The following PTPN14 variants were observed in gnomAD, a reference collection of about 807,000 sequenced individuals.
PTPN14 encodes the protein tyrosine-protein phosphatase non-receptor type 14.
Under a neutral mutation model 126.8 loss-of-function variants are expected in PTPN14, and 53 were observed. That is an observed-to-expected ratio of 0.42 (90% CI 0.34 to 0.53). The LOEUF is 0.53. PTPN14 is among the 20% of genes least tolerant of loss of function. The pLI, the probability that PTPN14 is intolerant of heterozygous loss-of-function variation, is 0.08. For synonymous variants in PTPN14, 630 were observed against 599.3 expected, an observed-to-expected ratio of 1.05 and a Z score of -0.75; for missense variants, 1,257 against 1,552.9, an observed-to-expected ratio of 0.81 and a Z score of 3.20.
chr1:214,491,042 AAAG>A (rs1661234826), intron 1 of PTPN14, among the ~76,000 whole-genome samples: 4 of 150,696 alleles, frequency 2.7e-5, no homozygotes, highest in African/African-American at 9.8e-5. Context: ...AGGAAGAAAG[AAAG>A]AAAGAAAGAA....
At chr1:214,415,623 C>T (rs1659408633) in intron 3 of PTPN14, among the ~76,000 whole-genome samples, 1 of 152,174 alleles carries the variant, frequency 6.6e-6, no homozygotes, top group African/African-American at 2.4e-5. Flanking sequence ...GAACCAAAGC[C>T]CAACTTTCCT....
intron 1 of PTPN14, among the ~76,000 whole-genome samples, chr1:214,517,684 C>CT (rs974127785): frequency 6.6e-6 from 1 of 152,104 alleles, no homozygotes; most frequent in African/African-American, 2.4e-5. Context: ...TCCCTCTAGA[C>CT]TATACAAAGC....
At chr1:214,394,842 GA>G in intron 9 of PTPN14, 56 bp downstream of exon 9, 3 of 1,476,820 alleles carry the variant, frequency 2.0e-6, no homozygotes, top group Admixed American at 1.7e-5. Context: ...ATTAGGAGTT[GA>G]AAAGTCCAAA....
chr1:214,517,257 A>G (rs1655127468), intron 1 of PTPN14, among the ~76,000 whole-genome samples: 1 of 152,076 alleles, frequency 6.6e-6, no homozygotes, highest in South Asian at 2.1e-4. Context: ...TTCCACATAA[A>G]CAAACTTTAT....
chr1:214,371,616 G>A (rs190366001), intron 16 of PTPN14, among the ~76,000 whole-genome samples: 65 of 152,292 alleles, frequency 4.3e-4, no homozygotes, highest in Middle Eastern at 3.4e-3. Flanking sequence ...CTCGTTTACC[G>A]TGTACTCCTG....
At chr1:214,499,880 C>G (rs1369873995) in intron 1 of PTPN14, among the ~76,000 whole-genome samples, 1 of 151,934 alleles carries the variant, frequency 6.6e-6, no homozygotes, top group Non-Finnish European at 1.5e-5. Context: ...AACTCAACTT[C>G]AAAAGCCATT....
At chr1:214,524,345 G>A (rs1466204701) in intron 1 of PTPN14, among the ~76,000 whole-genome samples, 1 of 151,774 alleles carries the variant, frequency 6.6e-6, no homozygotes, top group Non-Finnish European at 1.5e-5. Flanking sequence ...CAGTATGCAC[G>A]TATCAAGGCA....
rs78939280 is a variant in PTPN14 at position 214,425,428 on chromosome 1, C to T, written c.345-10702G>A. On this transcript the variant is annotated intron_variant, in intron 3 of 18. Transcript: ENST00000366956. Reference sequence around the variant, plus strand: ...TAACTCATTCCGCCCTCTGTGTTCCCATTGATTTTGTAACTCTAACATGGT... The same window carrying T: ...TAACTCATTCCGCCCTCTGTGTTCCTATTGATTTTGTAACTCTAACATGGT... Among the ~76,000 whole-genome samples, 1,402 of 152,290 alleles carry T rather than the reference C, an allele frequency of 9.2e-3. 20 individuals are homozygous for T. The highest frequency in any genetic ancestry group is 0.03 in the African/African-American group (1,265 of 41,554).
chr1:214,384,493 C>T lies in PTPN14; in HGVS notation c.1362G>A (p.Arg454=). The stretch of plus-strand genomic sequence containing the variant: ...TCTGGCTGTCTGTATGCAGGATCCC[C>T]CTCTTCATCTGGCGCATGACTGTCT... ...DYETVMRQMK[R]GILHTDSQSQ... is the part of the protein sequence containing the mutation. Residue 454 remains arginine, a synonymous_variant, in exon 13 of 19, where the codon AGG becomes AGA. Coordinates refer to ENST00000366956, the MANE Select transcript of PTPN14 (RefSeq NM_005401.5). This position sits in a 1 kb window ranked among gnomAD's most constrained non-coding sequence, Gnocchi z 5.3. The T allele has an allele frequency of 1.9e-6, 3 of 1,614,120 alleles. No homozygotes were observed. Among genetic ancestry groups the T allele is most frequent in the Non-Finnish European group, 1.7e-6 (2 of 1,180,038 alleles).
In PTPN14 at chr1:214,384,353, C is replaced by T. The variant is rs768029636; in HGVS notation, c.1502G>A (p.Gly501Glu). The T allele has an allele frequency of 1.9e-6, 3 of 1,614,084 alleles. No individual in the cohort carries two copies. Among genetic ancestry groups the T allele is most frequent in the Admixed American group, 3.3e-5 (2 of 60,010 alleles). ...RERHPYTVPY[G>E]PQGVYSNKLV... ...TTTGTTGCTGTAGACCCCCTGTGGCCCATAAGGGACAGTGTAGGGGTGCCT... is the reference window on the plus strand; with the variant it reads ...TTTGTTGCTGTAGACCCCCTGTGGCTCATAAGGGACAGTGTAGGGGTGCCT... Residue 501 changes from glycine to glutamate, a missense_variant, in exon 13 of 19, where the codon GGG (glycine) becomes GAG (glutamate). Around this residue, in one of 3 missense-constraint regions of PTPN14, gnomAD observed 1,021 missense variants for 1,183.3 expected, o/e 0.86. Transcript: ENST00000366956. The surrounding 1 kb of genome is among the most constrained non-coding windows in gnomAD (Gnocchi z 5.3).
chr1:214,404,078 A>G (rs1659103058), intron 5 of PTPN14, among the ~76,000 whole-genome samples: 1 of 152,222 alleles, frequency 6.6e-6, no homozygotes, highest in African/African-American at 2.4e-5. Context: ...CCACTTATAT[A>G]AAGATTCATC....
At chr1:214,422,689 G>A (rs774369735) in intron 3 of PTPN14, among the ~76,000 whole-genome samples, 11 of 152,074 alleles carry the variant, frequency 7.2e-5, no homozygotes, top group Non-Finnish European at 1.5e-4. Flanking sequence ...GCTACCAGGC[G>A]GAAATACAGT....
intron 5 of PTPN14, among the ~76,000 whole-genome samples, chr1:214,405,177 C>T (rs1228675668): frequency 6.6e-6 from 1 of 152,202 alleles, no homozygotes; most frequent in Non-Finnish European, 1.5e-5. Flanking sequence ...ATCCTTACGT[C>T]CTGTCTCAGC....
At chr1:214,431,878 T>C (rs1303014309) in intron 3 of PTPN14, among the ~76,000 whole-genome samples, 1 of 152,182 alleles carries the variant, frequency 6.6e-6, no homozygotes, top group African/African-American at 2.4e-5. Flanking sequence ...GGAGTCATCA[T>C]TGTTAATATT....
At chr1:214,399,120 A>G (rs1220496728) in intron 7 of PTPN14, among the ~76,000 whole-genome samples, 1 of 152,248 alleles carries the variant, frequency 6.6e-6, no homozygotes, top group Non-Finnish European at 1.5e-5. Flanking sequence ...GAAGTAACGC[A>G]TATGTTAACT....
rs1435611997 is a variant in PTPN14, at chr1:214,383,691, G to A, written c.2164C>T (p.Pro722Ser). The A allele has an allele frequency of 3.7e-6, 6 of 1,613,292 alleles. No individual in the cohort carries two copies. Among genetic ancestry groups the A allele is most frequent in the East Asian group, 2.2e-5 (1 of 44,898 alleles). ...EEEEEAPESV[P>S]QIPMLREKME... Reference sequence around the variant, plus strand: ...TTCTCCCGGAGCATGGGGATCTGGGGCACCGATTCTGGAGCCTCCTCCTCC... The same window carrying A: ...TTCTCCCGGAGCATGGGGATCTGGGACACCGATTCTGGAGCCTCCTCCTCC... The change falls in exon 13 of 19, where the codon CCC (proline) becomes TCC (serine). Residue 722 changes from proline (P) to serine (S), a missense_variant. Physicochemically the swap from Pro to Ser is moderately conservative, Grantham distance 74. This residue lies in a region of PTPN14 where 1,021 missense variants were observed against 1,183.3 expected (regional missense o/e 0.86). Transcript: ENST00000366956. The surrounding 1 kb of genome is among the most constrained non-coding windows in gnomAD (Gnocchi z 4.4).
At chr1:214,463,705 G>A (rs1374248233) in intron 2 of PTPN14, among the ~76,000 whole-genome samples, 1 of 152,088 alleles carries the variant, frequency 6.6e-6, no homozygotes, top group Non-Finnish European at 1.5e-5. Flanking sequence ...CGAGGTCCTG[G>A]GCAATGCTGT....
chr1:214,366,281 T>C (rs1279853853), intron 17 of PTPN14, among the ~76,000 whole-genome samples: 2 of 152,208 alleles, frequency 1.3e-5, no homozygotes, highest in African/African-American at 4.8e-5. Context: ...GAATCTTCTT[T>C]ACAATTTTTC....
At chr1:214,550,425 C>G (rs547340701) in intron 1 of PTPN14, among the ~76,000 whole-genome samples, 10 of 152,086 alleles carry the variant, frequency 6.6e-5, no homozygotes, top group Non-Finnish European at 1.5e-4. Context: ...AACAAGAACC[C>G]AAGGAAGTGA....
Sources: allele counts gnomAD v4.1 joint callset (sites outside exome capture counted in the v4.1 genomes callset), GRCh38; gene constraint gnomAD v4.1.1; regional missense constraint gnomAD v4.1.1; non-coding constraint Gnocchi (gnomAD v3.1); transcripts MANE v1.5; gene names NCBI Gene and HGNC (gene_info 2026-07-23, HGNC 2026-07-21).